The following PDGFRL variants were observed in gnomAD, a reference collection of about 807,000 sequenced individuals.
PDGFRL encodes the protein platelet-derived growth factor receptor-like protein.
A neutral mutation model predicts 37.2 loss-of-function variants in PDGFRL; 46 were observed. The observed-to-expected ratio is 1.24, with a 90% CI of 0.98 to 1.58. PDGFRL has a LOEUF of 1.58. PDGFRL is among the 40% of genes most tolerant of loss of function. The pLI is 0.00. For missense variants in PDGFRL, 692 were observed against 467.6 expected (o/e 1.48, Z -4.43); for synonymous variants, 251 against 184.3 (o/e 1.36, Z -2.93).
chr8:17,587,650 G>GGTCTCA (rs765394259), intron 1 of PDGFRL, among the ~76,000 whole-genome samples: 7 of 151,844 alleles, frequency 4.6e-5, no homozygotes, highest in African/African-American at 1.2e-4. Context: ...CTCAAGTCTC[G>GGTCTCA]GTCTCAGTCT....
At chr8:17,577,067 C>T, upstream of PDGFRL, 5 of 308,768 alleles carry the variant, frequency 1.6e-5, no homozygotes, top group Non-Finnish European at 2.5e-5. Flanking sequence ...GGAGAAGTCA[C>T]ATTACACAGA....
At chr8:17,628,916 T>TTG in intron 4 of PDGFRL, 136 bp downstream of exon 4, 1 of 629,450 alleles carries the variant, frequency 1.6e-6, no homozygotes, top group African/African-American at 1.8e-5. Flanking sequence ...TGTTGTTGTT[T>TTG]TTTTTTCTCT....
chr8:17,604,717 C>T (rs896826157), intron 2 of PDGFRL, among the ~76,000 whole-genome samples: 4 of 151,940 alleles, frequency 2.6e-5, no homozygotes, highest in Admixed American at 2.6e-4. Context: ...CACATGTACT[C>T]TAAAACTTAA....
chr8:17,620,826 A>AT (rs1585324703), intron 2 of PDGFRL, among the ~76,000 whole-genome samples: 1 of 149,286 alleles, frequency 6.7e-6, no homozygotes, highest in Admixed American at 6.8e-5. Context: ...TAAAAATGTC[A>AT]TTTTTTTCCT....
intron 1 of PDGFRL, among the ~76,000 whole-genome samples, chr8:17,579,687 C>A (rs1057491522): frequency 6.6e-6 from 1 of 151,992 alleles, no homozygotes; most frequent in South Asian, 2.1e-4. Context: ...CCAAAGACAG[C>A]CTTCTAAGAG....
At chr8:17,577,505 G>C (rs1803612351) in intron 1 of PDGFRL, among the ~76,000 whole-genome samples, 198 bp downstream of exon 1, 2 of 151,974 alleles carry the variant, frequency 1.3e-5, no homozygotes, top group African/African-American at 4.8e-5. Context: ...TGCCCGGAGA[G>C]CCCTCTAGGG....
At chr8:17,582,540 C>T (rs888296617) in intron 1 of PDGFRL, among the ~76,000 whole-genome samples, 1 of 144,760 alleles carries the variant, frequency 6.9e-6, no homozygotes, top group Non-Finnish European at 1.5e-5. Flanking sequence ...TGAGATCAGG[C>T]CACTGTACTG....
At chr8:17,578,791 T>C (rs1388851383) in intron 1 of PDGFRL, among the ~76,000 whole-genome samples, 1 of 152,174 alleles carries the variant, frequency 6.6e-6, no homozygotes, top group Admixed American at 6.5e-5. Context: ...TTAAGTGTAA[T>C]CCATACAAAC....
At chr8:17,596,963 A>T (rs904142446) in intron 2 of PDGFRL, among the ~76,000 whole-genome samples, 6 of 152,178 alleles carry the variant, frequency 3.9e-5, no homozygotes, top group Non-Finnish European at 8.8e-5. Context: ...GGGCTATGAC[A>T]GTGTTGGGTT....
chr8:17,604,108 GTAATAGGAACACTTTTA>G (rs1330406456), intron 2 of PDGFRL, among the ~76,000 whole-genome samples: 1 of 152,150 alleles, frequency 6.6e-6, no homozygotes, highest in Non-Finnish European at 1.5e-5. Flanking sequence ...AGGATGTGGA[GTAATAGGAACACTTTTA>G]CACTGTTGGT....
chr8:17,592,985 A>G (rs1803975360), intron 2 of PDGFRL, among the ~76,000 whole-genome samples: 1 of 152,058 alleles, frequency 6.6e-6, no homozygotes, highest in African/African-American at 2.4e-5. Context: ...GTAAATAAAA[A>G]TAGACGTATA....
intron 2 of PDGFRL, among the ~76,000 whole-genome samples, chr8:17,608,095 CAG>C (rs1351065333): frequency 2.6e-5 from 4 of 152,172 alleles, no homozygotes; most frequent in Admixed American, 6.5e-5. Context: ...CCTGGGGCCT[CAG>C]GGGCCTGTCT....
chr8:17,592,715 AG>A, intron 2 of PDGFRL, among the ~76,000 whole-genome samples: 1 of 152,246 alleles, frequency 6.6e-6, no homozygotes, highest in African/African-American at 2.4e-5. Context: ...AACCCATGGC[AG>A]GCCCCCCCAG....
In PDGFRL at chr8:17,577,292, G is replaced by T; in HGVS notation, c.40G>T (p.Glu14Ter). 6.2e-7 allele frequency: 1 copy of T among 1,612,898 alleles called. No homozygotes were observed. The highest frequency in any genetic ancestry group is 2.2e-5 in the East Asian group (1 of 44,762). ...GCTGCTTGGTCTTCTGCTGGTGCAC[G>T]AAGCGCTGGAGGATGGTGAGTGACT... ...WLLLGLLLVH[E>*]ALEDVTGQHL... The change falls in exon 1 of 6, where the codon GAA becomes TAA. Residue 14 changes from glutamate to a stop codon, truncating the protein, a stop_gained. Transcript: ENST00000251630. LOFTEE classifies it high-confidence loss of function.
At chr8:17,629,267 C>G (rs999304376) in intron 4 of PDGFRL, among the ~76,000 whole-genome samples, 1 of 152,020 alleles carries the variant, frequency 6.6e-6, no homozygotes, top group Non-Finnish European at 1.5e-5. Context: ...TTCTGCCCCA[C>G]CACTTCTAGG....
chr8:17,641,310 A>G (rs1374445310), intron 5 of PDGFRL, among the ~76,000 whole-genome samples: 1 of 152,154 alleles, frequency 6.6e-6, no homozygotes, highest in Non-Finnish European at 1.5e-5. Context: ...TGTCCAGGAA[A>G]CTGTGTTTGG....
chr8:17,578,683 A>T (rs148823370), intron 1 of PDGFRL, among the ~76,000 whole-genome samples: 1,529 of 152,264 alleles, frequency 0.01, 14 homozygotes, highest in Admixed American at 0.029. Flanking sequence ...CCAACTTGCC[A>T]GTCTTAGAGG....
chr8:17,583,788 CCTCT>C (rs1321205964), intron 1 of PDGFRL, among the ~76,000 whole-genome samples: 1 of 151,502 alleles, frequency 6.6e-6, no homozygotes, highest in African/African-American at 2.4e-5. Context: ...TTGCACCTCC[CCTCT>C]CTCTCTCTCT....
intron 2 of PDGFRL, among the ~76,000 whole-genome samples, chr8:17,590,236 C>CAAAAAAAAAAAAAAACAAAAAAAAAA (rs1803907003): frequency 2.8e-5 from 1 of 35,606 alleles, no homozygotes; most frequent in Non-Finnish European, 6.3e-5. Flanking sequence ...GACTCCATCT[C>CAAAAAAAAAAAAAAACAAAAAAAAAA]AAAAAAAAAA....
Sources: allele counts gnomAD v4.1 joint callset (sites outside exome capture counted in the v4.1 genomes callset), GRCh38; gene constraint gnomAD v4.1.1; transcripts MANE v1.5; gene names NCBI Gene and HGNC (gene_info 2026-07-23, HGNC 2026-07-21).